XRRA1: variants seen among roughly 807,000 people sequenced by gnomAD.
XRRA1 encodes X-ray radiation resistance-associated protein 1.
A neutral mutation model predicts 80.2 loss-of-function variants in XRRA1; 69 were observed. The observed-to-expected ratio is 0.86, with a 90% CI of 0.71 to 1.05. The LOEUF (loss-of-function observed/expected upper bound fraction) is 1.05, where lower values mean the gene tolerates loss of function less well. XRRA1 is among the 50% of genes least tolerant of loss of function. The pLI, the probability that XRRA1 is intolerant of heterozygous loss-of-function variation, is 0.00. For synonymous variants in XRRA1, 348 were observed against 389.9 expected (o/e 0.89, Z 1.27); for missense variants, 967 against 976.4 (o/e 0.99, Z 0.13).
intron 2 of XRRA1, among the ~76,000 whole-genome samples, chr11:74,942,090 C>A (rs567442530): frequency 6.6e-6 from 1 of 151,074 alleles, no homozygotes; most frequent in South Asian, 2.1e-4. Flanking sequence ...CAGTGAGACC[C>A]CATATTTAAA....
intron 8 of XRRA1, 54 bp downstream of exon 8, chr11:74,921,160 C>T: frequency 6.3e-7 from 1 of 1,597,054 alleles, no homozygotes; most frequent in South Asian, 1.1e-5. Flanking sequence ...TGGGCTATTT[C>T]CTTGGATATT....
chr11:74,933,984 C>T (rs1360422706), intron 4 of XRRA1, 112 bp from the exon 5 acceptor site: 3 of 805,382 alleles, frequency 3.7e-6, no homozygotes, highest in Admixed American at 5.5e-5. Context: ...AATTTGTTTG[C>T]TTGTTCATTC....
intron 8 of XRRA1, chr11:74,910,599 CAG>C (rs1462407881): frequency 2.0e-5 from 3 of 152,194 alleles, no homozygotes; most frequent in Admixed American, 6.5e-5. Flanking sequence ...GAGAAGCAGG[CAG>C]AGTCAGGCCA....
Position 74,848,101 on chromosome 11 carries a change from C to G in XRRA1, c.1728+14G>C, listed in dbSNP as rs745628724. 1.0e-5 allele frequency: 16 copies of G among 1,598,120 alleles called. No individual in the cohort carries two copies. Among genetic ancestry groups the G allele is most frequent in the Non-Finnish European group, 1.4e-5 (16 of 1,174,890 alleles). ...GCTAGCAACAAGTGGGCAGGGGCAG[C>G]TGGATACAGGTACCTGGGTCAGGAA... is the stretch of plus-strand genomic sequence containing the variant. On this transcript the variant is annotated intron_variant, in intron 15 of 18. Transcript: ENST00000684022.
chr11:74,876,603 G>A (rs375013288), intron 10 of XRRA1: 1 of 152,094 alleles, frequency 6.6e-6, no homozygotes, highest in Non-Finnish European at 1.5e-5. Context: ...GTTAGGAAGG[G>A]CCCTACACTG....
At chr11:74,877,748 T>C (rs1309798020) in intron 10 of XRRA1, among the ~76,000 whole-genome samples, 4 of 151,968 alleles carry the variant, frequency 2.6e-5, no homozygotes, top group Non-Finnish European at 4.4e-5. Flanking sequence ...TTACTGAGAA[T>C]GATGATTTCC....
chr11:74,861,672 C>A (rs2042339171), intron 11 of XRRA1, among the ~76,000 whole-genome samples: 1 of 152,166 alleles, frequency 6.6e-6, no homozygotes, highest in African/African-American at 2.4e-5. Context: ...CCACCCCACC[C>A]CAGTCCATGG....
In XRRA1 at chr11:74,940,893, G is replaced by A. The variant is rs748644948; in HGVS notation, c.-4-11C>T. The A allele has an allele frequency of 6.3e-7, 1 of 1,595,134 alleles. No individual in the cohort carries two copies. The highest frequency in any genetic ancestry group is 1.7e-4 in the Middle Eastern group (1 of 5,876). ...GAGAAGGCCATCTCCCTGAGAGCCA[G>A]GCAAGGAAAGCAAGGAAGCAGAAGA... On this transcript the variant is annotated splice_polypyrimidine_tract_variant and intron_variant, in intron 2 of 18. Coordinates refer to ENST00000684022, the MANE Select transcript of XRRA1 (RefSeq NM_001378157.1).
intron 10 of XRRA1, among the ~76,000 whole-genome samples, chr11:74,872,426 A>C (rs2045033190): frequency 6.6e-6 from 1 of 152,160 alleles, no homozygotes; most frequent in South Asian, 2.1e-4. Flanking sequence ...GGTCTTTCAT[A>C]ATAGGGACCA....
At chr11:74,900,308 C>A (rs1032830744) in intron 10 of XRRA1, among the ~76,000 whole-genome samples, 1 of 152,156 alleles carries the variant, frequency 6.6e-6, no homozygotes, top group African/African-American at 2.4e-5. Context: ...ATCGGCCAGG[C>A]GCAGTGGCTC....
chr11:74,863,642 G>A (rs2135996822), intron 10 of XRRA1: 1 of 152,632 alleles, frequency 6.6e-6, no homozygotes, highest in South Asian at 2.1e-4. Flanking sequence ...ACCTAACACA[G>A]CATAGCATCT....
Position 74,844,254 on chromosome 11 carries a change from G to A in XRRA1, c.1957C>T (p.Gln653Ter). The A allele has an allele frequency of 6.2e-7, 1 of 1,613,504 alleles. No homozygotes were observed. Among genetic ancestry groups the A allele is most frequent in the South Asian group, 1.1e-5 (1 of 91,058 alleles). Reference protein sequence around the residue: ...GIQKNAQALQQMLKHPLLCHS... With the variant: ...GIQKNAQALQ The stretch of plus-strand genomic sequence containing the variant: ...CACAGGAGTGGGTGCTTCAGCATTT[G>A]TTGCAGGGCTTGTGCATTCTTCTGG... The change falls in exon 17 of 19, where the codon CAA (glutamine) becomes TAA (stop). Residue 653 changes from glutamine (Q) to a stop codon, truncating the protein, a stop_gained. Coordinates refer to ENST00000684022, the MANE Select transcript of XRRA1 (RefSeq NM_001378157.1). LOFTEE classifies it high-confidence loss of function.
intron 8 of XRRA1, chr11:74,918,808 G>C (rs1362274637): frequency 6.6e-6 from 1 of 152,238 alleles, no homozygotes; most frequent in Non-Finnish European, 1.5e-5. Context: ...CAACTCTCTT[G>C]TCTGGCTTCT....
In XRRA1 at chr11:74,851,175, G is replaced by C. The variant is rs2039734752; in HGVS notation, c.1293C>G (p.Leu431=). The C allele has an allele frequency of 2.5e-6, 4 of 1,612,744 alleles. No individual in the cohort carries two copies. In the South Asian group the frequency reaches 4.4e-5, roughly 18 times the overall value. Residue 431 remains leucine (L), a synonymous_variant, in exon 14 of 19, where the codon CTC becomes CTG. Transcript: ENST00000684022. The part of the protein sequence containing the change: ...RGVPPLLKSF[L]QERLGIHLIR... ...TTAAGTGGATTCCCAGTCGCTCCTGGAGGAAGCTCTTCAGCAGTGGAGGGA... is the reference window on the plus strand; with the variant it reads ...TTAAGTGGATTCCCAGTCGCTCCTGCAGGAAGCTCTTCAGCAGTGGAGGGA...
Position 74,848,365 on chromosome 11 carries a change from G to A in XRRA1, c.1478C>T (p.Pro493Leu). 6.2e-7 allele frequency: 1 copy of A among 1,613,950 alleles called. No homozygotes were observed. Among genetic ancestry groups the A allele is most frequent in the Non-Finnish European group, 8.5e-7 (1 of 1,179,862 alleles). ...CAGATCTTCAGCCAGCTCTGCCTCT[G>A]GCTCTAGCATATCCTTTGAGGGAGA... ...TKSPSKDMLEPEAELAEDLPT... is the reference protein window; with the variant it reads ...TKSPSKDMLELEAELAEDLPT... The change falls in exon 15 of 19, where the codon CCA becomes CTA. Residue 493 changes from proline (P) to leucine (L), a missense_variant. Transcript: ENST00000684022.
chr11:74,889,045 TA>T (rs1842183634), intron 10 of XRRA1, among the ~76,000 whole-genome samples: 1 of 152,030 alleles, frequency 6.6e-6, no homozygotes, highest in East Asian at 1.9e-4. Context: ...ATTCAGGAAA[TA>T]CACAGAACGC....
intron 10 of XRRA1, among the ~76,000 whole-genome samples, chr11:74,881,797 G>C (rs1236138466): frequency 1.3e-5 from 2 of 149,344 alleles, no homozygotes; most frequent in Non-Finnish European, 3.0e-5. Flanking sequence ...GAAATTCTGG[G>C]TTGAAAATTC....
intron 10 of XRRA1, among the ~76,000 whole-genome samples, chr11:74,895,790 T>TA (rs2052148033): frequency 6.6e-6 from 1 of 152,154 alleles, no homozygotes; most frequent in Non-Finnish European, 1.5e-5. Flanking sequence ...CCCTAGTTCT[T>TA]AAACATTTCT....
In XRRA1 at chr11:74,859,248, C is replaced by G. The variant is rs370904124; in HGVS notation, c.1080G>C (p.Glu360Asp). 1.6e-5 allele frequency: 25 copies of G among 1,609,770 alleles called. No individual in the cohort carries two copies. The highest frequency in any genetic ancestry group is 2.0e-5 in the Non-Finnish European group (24 of 1,178,480). ...TKICSLPPIF[E>D]ILPVKSLKAR... ...CCTTCAGTGACTTCACAGGAAGGAT[C>G]TCGAATATGGGAGGAAGTGAACATA... Residue 360 changes from glutamate to aspartate, a missense_variant, in exon 12 of 19, where the codon GAG becomes GAC. Transcript: ENST00000684022.
Sources: gnomAD v4.1 joint callset for allele counts (sites outside exome capture counted in the v4.1 genomes callset) on GRCh38, gnomAD v4.1.1 for gene constraint, MANE v1.5 for transcripts, NCBI Gene and HGNC (gene_info 2026-07-23, HGNC 2026-07-21) for gene names.